DNM2: variants seen among roughly 807,000 people sequenced by gnomAD.
DNM2 encodes dynamin-2.
In DNM2, 15 loss-of-function variants were observed where a neutral mutation model predicts 99.0. The observed-to-expected ratio is 0.15, with a 90% CI of 0.10 to 0.23. The LOEUF is 0.23. Ranked by LOEUF, DNM2 falls within the 10% of genes least tolerant of loss-of-function variation. The probability of loss-of-function intolerance (pLI) is 1.00; values close to 1 mark genes in which losing one functional copy is unlikely to be tolerated. For synonymous variants in DNM2, 525 were observed against 481.2 expected (o/e 1.09, Z -1.19); for missense variants, 742 against 1,189.4 (o/e 0.62, Z 5.53).
chr19:10,762,038 A>G (rs1227954928), intron 2 of DNM2, among the ~76,000 whole-genome samples: 1 of 152,076 alleles, frequency 6.6e-6, no homozygotes, highest in Non-Finnish European at 1.5e-5. Context: ...TGCAAACTGC[A>G]TTTTTATTTT....
chr19:10,724,922 T>C (rs1251500276), intron 1 of DNM2, among the ~76,000 whole-genome samples: 1 of 151,898 alleles, frequency 6.6e-6, no homozygotes, highest in Admixed American at 6.6e-5. Flanking sequence ...GATGTGTCCC[T>C]CCAGGGATAT....
In DNM2 at chr19:10,775,552, G is replaced by C; in HGVS notation, c.386-151G>C. ...TGGGATCCTAGAAGGGGAGTTACTGGATCAAAGGTGTGGTTCAGGCAGAGT... is the reference window on the plus strand; with the variant it reads ...TGGGATCCTAGAAGGGGAGTTACTGCATCAAAGGTGTGGTTCAGGCAGAGT... On this transcript the variant is annotated intron_variant, in intron 3 of 20. Coordinates refer to ENST00000389253, the MANE Select transcript of DNM2 (RefSeq NM_001005361.3). The surrounding 1 kb of genome is among the most constrained non-coding windows in gnomAD (Gnocchi z 4.3). The C allele has an allele frequency of 1.2e-6, 1 of 847,046 alleles. No homozygotes were observed. Among genetic ancestry groups the C allele is most frequent in the Non-Finnish European group, 2.0e-6 (1 of 493,056 alleles). The allele number at this position is 847,046 out of a possible 1,614,324, so 52.5% of individuals were successfully genotyped here.
intron 1 of DNM2, among the ~76,000 whole-genome samples, chr19:10,752,293 C>A (rs552464388): frequency 6.6e-6 from 1 of 152,288 alleles, no homozygotes; most frequent in Admixed American, 6.5e-5. Context: ...TGAAGAGAAA[C>A]CTCATCATAT....
chr19:10,775,662 C>T lies in DNM2; in HGVS notation c.386-41C>T, dbSNP rs562733193. ...CTGCGGGCCTGTTTGTGCCTCCCCTCTCCTGGCTCTGAATGCCTTTCCTTC... is the reference window on the plus strand; with the variant it reads ...CTGCGGGCCTGTTTGTGCCTCCCCTTTCCTGGCTCTGAATGCCTTTCCTTC... On this transcript the variant is annotated intron_variant, in intron 3 of 20. Coordinates refer to ENST00000389253, the MANE Select transcript of DNM2 (RefSeq NM_001005361.3). The surrounding 1 kb of genome is among the most constrained non-coding windows in gnomAD (Gnocchi z 4.3). The T allele has an allele frequency of 6.2e-7, 1 of 1,612,928 alleles. No homozygotes were observed. Among genetic ancestry groups the T allele is most frequent in the South Asian group, 1.1e-5 (1 of 90,968 alleles).
intron 1 of DNM2, among the ~76,000 whole-genome samples, chr19:10,722,868 C>A (rs1380287441): frequency 6.6e-6 from 1 of 152,112 alleles, no homozygotes; most frequent in Non-Finnish European, 1.5e-5. Context: ...CTCAAATGAT[C>A]CTCCTGCATC....
chr19:10,769,083 G>C (rs530114757), intron 2 of DNM2, among the ~76,000 whole-genome samples: 56 of 152,244 alleles, frequency 3.7e-4, no homozygotes, highest in African/African-American at 1.3e-3. Context: ...TGCCCCTGGT[G>C]CTGTCTTTGC....
intron 1 of DNM2, among the ~76,000 whole-genome samples, chr19:10,732,396 T>G (rs1277885853): frequency 6.7e-6 from 1 of 149,292 alleles, no homozygotes; most frequent in Non-Finnish European, 1.5e-5. Flanking sequence ...GTCAGGAGAT[T>G]GAGACCATCC....
At chr19:10,738,772 A>T (rs2069625890) in intron 1 of DNM2, among the ~76,000 whole-genome samples, 1 of 151,864 alleles carries the variant, frequency 6.6e-6, no homozygotes, top group Non-Finnish European at 1.5e-5. Flanking sequence ...TGGGAGGCTA[A>T]GGCAGGAGAA....
At position 10,759,577 on chromosome 19, in the gene DNM2, A is replaced by T. The variant is rs562894943; in HGVS notation, c.162-161A>T. On this transcript the variant is annotated intron_variant, in intron 1 of 20. Transcript: ENST00000389253. ...CTTCCTGAGCTCTTCAGGCCTCAGG[A>T]CCCTCCAAGACCAGAGCATTCCCCA... 1,313 of 811,218 alleles carry T rather than the reference A, an allele frequency of 1.6e-3. 24 individuals carry two copies. The South Asian group carries it at 0.017, about 11-fold the overall frequency. 50.3% of individuals were successfully genotyped at this position (811,218 alleles called of 1,614,324 possible).
rs2068818099 is a variant in DNM2 at position 10,718,257 on chromosome 19, G to T, written c.15G>T (p.Gly5=). 1.3e-6 allele frequency: 2 copies of T among 1,486,184 alleles called. No individual in the cohort carries two copies. Among genetic ancestry groups the T allele is most frequent in the East Asian group, 6.0e-5 (2 of 33,478 alleles). 92.1% of individuals were successfully genotyped at this position (1,486,184 alleles called of 1,614,324 possible). Residue 5 remains glycine, a synonymous_variant, in exon 1 of 21, where the codon GGG becomes GGT. Transcript: ENST00000389253. MGNR[G]MEELIPLVNK... ...CCGCCGGCGCCATGGGCAACCGCGG[G>T]ATGGAAGAGCTGATCCCGCTGGTCA...
intron 1 of DNM2, among the ~76,000 whole-genome samples, chr19:10,721,554 G>C (rs1240320604): frequency 6.6e-6 from 1 of 152,104 alleles, no homozygotes; most frequent in Non-Finnish European, 1.5e-5. Context: ...TTTTTTGGGG[G>C]GGTGTAAGAG....
intron 1 of DNM2, chr19:10,759,505 C>T: frequency 1.7e-6 from 1 of 591,366 alleles, no homozygotes; most frequent in South Asian, 1.9e-5. Flanking sequence ...TGGGGCACAG[C>T]CTGCCAGAGG....
At position 10,829,226 on chromosome 19, in the gene DNM2, C is replaced by G. The variant is rs375350902; in HGVS notation, c.2249C>G (p.Pro750Arg). The change falls in exon 19 of 21, where the codon CCG (proline) becomes CGG (arginine). Residue 750 changes from proline to arginine, a missense_variant. Pro to Arg is a moderately radical substitution (Grantham distance 103). Transcript: ENST00000389253. ...AGCACTGTGTCCACGCCTGTACCCC[C>G]GCCTGTCGATGACACCTGGCTCCAG... ...STSTVSTPVPPPVDDTWLQSA... is the reference protein window; with the variant it reads ...STSTVSTPVPRPVDDTWLQSA... 7.4e-6 allele frequency: 12 copies of G among 1,614,002 alleles called. No individual in the cohort carries two copies. The highest frequency in any genetic ancestry group is 8.5e-6 in the Non-Finnish European group (10 of 1,180,042).
chr19:10,830,467 C>G lies in DNM2; in HGVS notation c.2543+89C>G. Reference sequence around the variant, plus strand: ...ACTTCCTCCCAGTGAGCTCTCACTACGTGCCCAGCTGCTGGAGTGGAGGAA... The same window carrying G: ...ACTTCCTCCCAGTGAGCTCTCACTAGGTGCCCAGCTGCTGGAGTGGAGGAA... On this transcript the variant is annotated intron_variant, in intron 20 of 20. Transcript: ENST00000389253. This position sits in a 1 kb window ranked among gnomAD's most constrained non-coding sequence, Gnocchi z 4.8. 1 of 1,420,470 alleles carries G rather than the reference C, an allele frequency of 7.0e-7. No individual in the cohort carries two copies. The highest frequency in any genetic ancestry group is 9.7e-7 in the Non-Finnish European group (1 of 1,034,442). The allele number at this position is 1,420,470 out of a possible 1,614,324, so 88.0% of individuals were successfully genotyped here. A position where few individuals can be genotyped will look rare whatever the true frequency, so the allele number is the denominator to read the frequency against.
rs370870902 is a variant in DNM2, at chr19:10,734,539, T to C, written c.161+16136T>C. On this transcript the variant is annotated intron_variant, in intron 1 of 20. Coordinates refer to ENST00000389253, the MANE Select transcript of DNM2 (RefSeq NM_001005361.3). ...CTGGAGTCCCAGCTCCTCTGGAGGC[T>C]GAGACAGGAGGATCACTTGAGCCCT... Among the ~76,000 whole-genome samples the C allele has an allele frequency of 1.3e-3, 196 of 147,772 alleles. 1 individual carries two copies. Among genetic ancestry groups the C allele is most frequent in the African/African-American group, 4.8e-3 (193 of 39,948 alleles).
intron 1 of DNM2, among the ~76,000 whole-genome samples, chr19:10,728,457 G>T (rs2069183785): frequency 6.6e-6 from 1 of 152,150 alleles, no homozygotes; most frequent in African/African-American, 2.4e-5. Context: ...AGGGCTGAAT[G>T]GTGGGCACCA....
At chr19:10,790,462 T>A (rs1238621484) in intron 7 of DNM2, among the ~76,000 whole-genome samples, 1 of 152,142 alleles carries the variant, frequency 6.6e-6, no homozygotes, top group African/African-American at 2.4e-5. Context: ...TTTATTTATG[T>A]ATTTGGTGGT....
At chr19:10,723,388 C>T (rs2069006084) in intron 1 of DNM2, among the ~76,000 whole-genome samples, 1 of 152,198 alleles carries the variant, frequency 6.6e-6, no homozygotes, top group Non-Finnish European at 1.5e-5. Flanking sequence ...CGGCCATGGC[C>T]TCCCAAAGTG....
rs186762327 is a variant in DNM2, at chr19:10,796,150, A to T, written c.1196+711A>T. On this transcript the variant is annotated intron_variant, in intron 9 of 20. Coordinates refer to ENST00000389253, the MANE Select transcript of DNM2 (RefSeq NM_001005361.3). The surrounding 1 kb of genome is among the most constrained non-coding windows in gnomAD (Gnocchi z 5.6). ...AAAGAGCCCTGTCTGAAATGTGTCGACCTGGTTATCCAGGAGCTAATCAAT... is the reference window on the plus strand; with the variant it reads ...AAAGAGCCCTGTCTGAAATGTGTCGTCCTGGTTATCCAGGAGCTAATCAAT... 1.3e-4 allele frequency: 206 copies of T among 1,614,148 alleles called. 2 individuals carry two copies. The Admixed American group carries it at 3.4e-3, about 26-fold the overall frequency.
Sources: allele counts gnomAD v4.1 joint callset (sites outside exome capture counted in the v4.1 genomes callset), GRCh38; gene constraint gnomAD v4.1.1; non-coding constraint Gnocchi (gnomAD v3.1); transcripts MANE v1.5; gene names NCBI Gene and HGNC (gene_info 2026-07-23, HGNC 2026-07-21).